Variants in MRPS5 observed in about 807,000 individuals in gnomAD.
MRPS5 encodes the protein small ribosomal subunit protein uS5m.
A neutral mutation model predicts 51.9 loss-of-function variants in MRPS5; 27 were observed. The ratio of observed to expected loss-of-function variants is 0.52; its 90% confidence interval spans 0.38 to 0.72. The LOEUF is 0.72. Among genes scored for constraint, MRPS5 ranks in the 30% least tolerant of loss-of-function variants. The pLI is 0.00. For synonymous variants in MRPS5, 196 were observed against 193.2 expected, an observed-to-expected ratio of 1.01 and a Z score of -0.12; for missense variants, 570 against 545.7, an observed-to-expected ratio of 1.04 and a Z score of -0.44.
At position 95,086,697 on chromosome 2, in the gene MRPS5, A is replaced by C. The variant is rs1405696229; in HGVS notation, c.*660T>G. ...TAAAGCATGTATGATAGGGGGGCTT[A>C]TATCTAGAAACTATAAGGAACTCAA... On this transcript the variant is annotated 3_prime_UTR_variant, in exon 12 of 12. Coordinates refer to ENST00000272418, the MANE Select transcript of MRPS5 (RefSeq NM_031902.5). Among the ~76,000 whole-genome samples, 1 of 152,212 alleles carries C rather than the reference A, an allele frequency of 6.6e-6. No individual in the cohort carries two copies. Among genetic ancestry groups the C allele is most frequent in the East Asian group, 1.9e-4 (1 of 5,198 alleles).
intron 4 of MRPS5, 74 bp from the exon 5 acceptor site, chr2:95,108,482 C>A: frequency 8.4e-7 from 1 of 1,195,732 alleles, no homozygotes; most frequent in Non-Finnish European, 1.2e-6. Context: ...TCAGGCAATG[C>A]ATGTACAGAT....
At chr2:95,100,993 T>C (rs1408278601) in intron 8 of MRPS5, 99 bp from the exon 9 acceptor site, 2 of 1,056,180 alleles carry the variant, frequency 1.9e-6, no homozygotes, top group African/African-American at 3.2e-5. Context: ...TATCAAAAAT[T>C]CACTTACGCA....
chr2:95,107,315 C>T (rs1222232625), intron 5 of MRPS5, among the ~76,000 whole-genome samples: 2 of 152,178 alleles, frequency 1.3e-5, no homozygotes, highest in African/African-American at 4.8e-5. Context: ...GATGATTCCA[C>T]CTCTTCCTTA....
At chr2:95,108,131 A>T in intron 5 of MRPS5, 44 bp downstream of exon 5, 1 of 1,538,376 alleles carries the variant, frequency 6.5e-7, no homozygotes, top group Non-Finnish European at 9.0e-7. Flanking sequence ...CTAAACTACA[A>T]GTACTCTCTG....
At chr2:95,120,957 A>T (rs1393747233) in intron 1 of MRPS5, among the ~76,000 whole-genome samples, 1 of 152,130 alleles carries the variant, frequency 6.6e-6, no homozygotes, top group African/African-American at 2.4e-5. Flanking sequence ...GTCTCTACTA[A>T]AAATACAAAA....
At chr2:95,113,014 A>AG (rs1676169870) in intron 3 of MRPS5, among the ~76,000 whole-genome samples, 1 of 150,928 alleles carries the variant, frequency 6.6e-6, no homozygotes, top group Non-Finnish European at 1.5e-5. Flanking sequence ...CAAAAAGAAA[A>AG]GAAAAAAAAA....
chr2:95,106,533 C>A (rs1449844725), intron 5 of MRPS5, 76 bp from the exon 6 acceptor site: 8 of 1,240,566 alleles, frequency 6.4e-6, no homozygotes, highest in Admixed American at 3.4e-5. Context: ...TCAACACAGG[C>A]ACCATCACAG....
intron 11 of MRPS5, among the ~76,000 whole-genome samples, chr2:95,087,988 C>T (rs1260823813): frequency 9.2e-6 from 1 of 108,302 alleles, no homozygotes; most frequent in Non-Finnish European, 1.7e-5. Context: ...GGAAGCACTA[C>T]AAAACAAACA....
intron 7 of MRPS5, 172 bp from the exon 8 acceptor site, chr2:95,101,895 C>T (rs1017401013): frequency 1.7e-4 from 99 of 571,622 alleles, no homozygotes; most frequent in African/African-American, 1.7e-3. Context: ...GATTCACATC[C>T]GTAATCTCAG....
Position 95,108,368 on chromosome 2 carries a change from A to G in MRPS5, c.444T>C (p.Leu148=). The G allele has an allele frequency of 6.2e-7, 1 of 1,614,148 alleles. No individual in the cohort carries two copies. Among genetic ancestry groups the G allele is most frequent in the Non-Finnish European group, 8.5e-7 (1 of 1,180,028 alleles). The change falls in exon 5 of 12, where the codon CTT becomes CTC. Residue 148 remains leucine, a synonymous_variant. Coordinates refer to ENST00000272418, the MANE Select transcript of MRPS5 (RefSeq NM_031902.5). The part of the protein sequence containing the change: ...GFLWPGLNVP[L]MKNGAVQTIA... The stretch of plus-strand genomic sequence containing the variant: ...TGGTCTGCACTGCTCCATTTTTCAT[A>G]AGAGGGACATTCAGTCCGGGCCATA...
chr2:95,108,845 G>A (rs1179237143), intron 4 of MRPS5, among the ~76,000 whole-genome samples: 2 of 152,108 alleles, frequency 1.3e-5, no homozygotes, highest in East Asian at 1.9e-4. Context: ...CTGTAAGACA[G>A]CATGTACCAT....
chr2:95,107,338 G>A (rs1025579326), intron 5 of MRPS5, among the ~76,000 whole-genome samples: 7 of 151,992 alleles, frequency 4.6e-5, no homozygotes, highest in Admixed American at 2.0e-4. Context: ...GACCAACTGC[G>A]GCCACATCAC....
Position 95,115,117 on chromosome 2 carries a change from GAGA to G in MRPS5, c.223_225del (p.Ser75del). 4 of 1,612,502 alleles carry G rather than the reference GAGA, an allele frequency of 2.5e-6. No homozygotes were observed. Among genetic ancestry groups the G allele is most frequent in the Non-Finnish European group, 3.4e-6 (4 of 1,179,664 alleles). On this transcript the variant is annotated inframe_deletion, in exon 3 of 12. Transcript: ENST00000272418. ...TACTGCTGGCTCATCAGGTGACTGG[GAGA>G]AGAAATACAGCATTGTGTCTGCAGT...
intron 10 of MRPS5, among the ~76,000 whole-genome samples, chr2:95,095,657 T>TGA (rs994837564): frequency 1.3e-5 from 2 of 152,146 alleles, no homozygotes; most frequent in African/African-American, 4.8e-5. Context: ...TTGAAACCAA[T>TGA]GAGAACAAAG....
rs139056232 is a variant in MRPS5 at position 95,107,062 on chromosome 2, TTC to T, written c.638-607_638-606del. On this transcript the variant is annotated intron_variant, in intron 5 of 11. Transcript: ENST00000272418. Reference sequence around the variant, plus strand: ...GCAGCCATTTCAAAGACTCCCTACGTTCTTTTATTTTCAAAATATTTTTATCA... The same window carrying T: ...GCAGCCATTTCAAAGACTCCCTACGTTTTTATTTTCAAAATATTTTTATCA... 2.4e-3 allele frequency among the ~76,000 whole-genome samples: 366 copies of T among 152,298 alleles called. 21 individuals carry two copies. In the East Asian group the frequency reaches 0.065, roughly 27 times the overall value.
At chr2:95,119,630 C>T (rs1055219795) in intron 1 of MRPS5, among the ~76,000 whole-genome samples, 2 of 151,232 alleles carry the variant, frequency 1.3e-5, no homozygotes, top group African/African-American at 4.9e-5. Context: ...AAAAAAAACC[C>T]ACATCCACTA....
In MRPS5 at chr2:95,086,788, T is replaced by C. The variant is rs796148088; in HGVS notation, c.*569A>G. On this transcript the variant is annotated 3_prime_UTR_variant, in exon 12 of 12. Transcript: ENST00000272418. ...AATAGACATTTCTCCAAAAAACATA[T>C]ACAAATGGCCAATCAGCACATGAAA... is the stretch of plus-strand genomic sequence containing the variant. 1.8e-4 allele frequency among the ~76,000 whole-genome samples: 28 copies of C among 152,212 alleles called. No individual in the cohort carries two copies. The highest frequency in any genetic ancestry group is 6.3e-4 in the African/African-American group (26 of 41,524).
intron 1 of MRPS5, among the ~76,000 whole-genome samples, chr2:95,119,626 A>G (rs1248882778): frequency 6.6e-6 from 1 of 151,974 alleles, no homozygotes; most frequent in Admixed American, 6.6e-5. Context: ...AAAAAAAAAA[A>G]ACCCACATCC....
chr2:95,115,945 C>T (rs1213206462), intron 2 of MRPS5, among the ~76,000 whole-genome samples: 1 of 146,854 alleles, frequency 6.8e-6, no homozygotes, highest in East Asian at 2.0e-4. Context: ...CTGCTCTTGT[C>T]ACCCAAGCTG....
Sources: allele counts gnomAD v4.1 joint callset (sites outside exome capture counted in the v4.1 genomes callset), GRCh38; gene constraint gnomAD v4.1.1; transcripts MANE v1.5; gene names NCBI Gene and HGNC (gene_info 2026-07-23, HGNC 2026-07-21).